The following KCNMA1 variants were observed in gnomAD, a reference collection of about 807,000 sequenced individuals.
KCNMA1 encodes potassium calcium-activated channel subfamily M alpha 1.
Under a neutral mutation model 140.0 loss-of-function variants are expected in KCNMA1, and 29 were observed. That is an observed-to-expected ratio of 0.21 (90% CI 0.15 to 0.28). The LOEUF (loss-of-function observed/expected upper bound fraction) is 0.28. Among genes scored for constraint, KCNMA1 ranks in the 10% least tolerant of loss-of-function variants. The pLI is 1.00. For synonymous variants in KCNMA1, 612 were observed against 611.9 expected, an observed-to-expected ratio of 1.00 and a Z score of 0.00; for missense variants, 880 against 1,602.2, an observed-to-expected ratio of 0.55 and a Z score of 7.70.
intron 1 of KCNMA1, among the ~76,000 whole-genome samples, chr10:77,429,934 G>A (rs1603617599): frequency 6.6e-6 from 1 of 152,100 alleles, no homozygotes; most frequent in African/African-American, 2.4e-5. Flanking sequence ...AGAAGCTGAA[G>A]TCCTGATTCC....
intron 1 of KCNMA1, among the ~76,000 whole-genome samples, chr10:77,524,640 G>C (rs1432357855): frequency 6.6e-6 from 1 of 152,186 alleles, no homozygotes; most frequent in Non-Finnish European, 1.5e-5. Flanking sequence ...TTCTAGAGGA[G>C]AAATGAAAAT....
At chr10:77,120,124 C>A (rs2097563849) in intron 6 of KCNMA1, among the ~76,000 whole-genome samples, 1 of 152,134 alleles carries the variant, frequency 6.6e-6, no homozygotes, top group Non-Finnish European at 1.5e-5. Flanking sequence ...TGAAGGGCAA[C>A]CAAAGAGGAA....
intron 5 of KCNMA1, among the ~76,000 whole-genome samples, chr10:77,154,715 T>C (rs1054724785): frequency 4.6e-5 from 7 of 152,220 alleles, no homozygotes; most frequent in African/African-American, 1.7e-4. Flanking sequence ...GTGCCTGGCA[T>C]TGCTCTGTGT....
chr10:76,869,848 A>G (rs1479436088), exon 28 of KCNMA1: 1 of 152,550 alleles, frequency 6.6e-6, no homozygotes, highest in Non-Finnish European at 1.5e-5. Flanking sequence ...TGAATAAGCC[A>G]CGCTCTTTTT....
intron 1 of KCNMA1, among the ~76,000 whole-genome samples, chr10:77,415,505 T>C (rs1490092329): frequency 6.6e-6 from 1 of 152,200 alleles, no homozygotes; most frequent in Non-Finnish European, 1.5e-5. Flanking sequence ...AAGAAAACTG[T>C]GGCAGGGGCC....
Position 76,941,155 on chromosome 10 carries a change from G to GAGGGA in KCNMA1, c.2902+3613_2902+3617dup, listed in dbSNP as rs1554961584. Among the ~76,000 whole-genome samples, 12 of 54,506 alleles carry GAGGGA rather than the reference G, an allele frequency of 2.2e-4. No individual in the cohort carries two copies. In the East Asian group the frequency reaches 3.9e-3, roughly 18 times the overall value. 35.8% of individuals were successfully genotyped at this position (54,506 alleles called of 152,430 possible). On this transcript the variant is annotated intron_variant, in intron 23 of 27. Coordinates refer to ENST00000286628, the MANE Select transcript of KCNMA1 (RefSeq NM_001161352.2). The stretch of plus-strand genomic sequence containing the variant: ...GAAGGGAAGGGAAGGGAAGGGAAGG[G>GAGGGA]AGGGAAGGGAAGGAAGGAAGGAAGG...
intron 1 of KCNMA1, among the ~76,000 whole-genome samples, chr10:77,516,138 T>G (rs1291199021): frequency 6.6e-6 from 1 of 152,124 alleles, no homozygotes; most frequent in Non-Finnish European, 1.5e-5. Context: ...CACAGTCTCT[T>G]GGGTCTGACA....
chr10:76,932,722 C>A (rs1283617270), intron 23 of KCNMA1, among the ~76,000 whole-genome samples: 2 of 152,188 alleles, frequency 1.3e-5, no homozygotes, highest in Non-Finnish European at 2.9e-5. Context: ...CCCTCCATGA[C>A]TGCATCATTA....
chr10:77,129,646 T>A (rs139683836), intron 5 of KCNMA1, among the ~76,000 whole-genome samples: 2 of 152,266 alleles, frequency 1.3e-5, no homozygotes, highest in African/African-American at 4.8e-5. Flanking sequence ...AGGAGAAAGC[T>A]GATTTTTTAG....
chr10:76,881,306 C>T (rs1259457933), downstream of KCNMA1, among the ~76,000 whole-genome samples: 4 of 152,136 alleles, frequency 2.6e-5, no homozygotes, highest in Non-Finnish European at 5.9e-5. Context: ...CATTCCTTTT[C>T]TGTAAAATAG....
At chr10:76,936,916 C>A (rs1331267050) in intron 23 of KCNMA1, among the ~76,000 whole-genome samples, 1 of 152,192 alleles carries the variant, frequency 6.6e-6, no homozygotes, top group African/African-American at 2.4e-5. Flanking sequence ...CTAAAAGACT[C>A]ATGACCCCAA....
chr10:76,940,991 G>GAGAA (rs1293000450), intron 23 of KCNMA1, among the ~76,000 whole-genome samples: 2 of 63,444 alleles, frequency 3.2e-5, no homozygotes, highest in Non-Finnish European at 6.6e-5. Flanking sequence ...GAGAGAAAGA[G>GAGAA]AGAAAGAAAG....
In KCNMA1 at chr10:76,971,974, GGTGT is replaced by G. The variant is rs57558756; in HGVS notation, c.2267-1911_2267-1908del. Among the ~76,000 whole-genome samples, 24 of 148,884 alleles carry G rather than the reference GGTGT, an allele frequency of 1.6e-4. No individual in the cohort carries two copies. In the South Asian group the frequency reaches 2.1e-3, roughly 13 times the overall value. On this transcript the variant is annotated intron_variant, in intron 19 of 27. Transcript: ENST00000286628. ...GGTAGAAAGGCAGCGAGGGTGTGTG[GGTGT>G]GTGTGTGTGTGTGTGTGTGTAGGTA...
intron 1 of KCNMA1, among the ~76,000 whole-genome samples, chr10:77,405,431 A>C (rs2096439739): frequency 6.6e-6 from 1 of 152,230 alleles, no homozygotes; most frequent in African/African-American, 2.4e-5. Flanking sequence ...GAATGACTAG[A>C]AAGGGCTATG....
intron 1 of KCNMA1, among the ~76,000 whole-genome samples, chr10:77,551,864 T>C (rs992587097): frequency 6.6e-6 from 1 of 152,138 alleles, no homozygotes; most frequent in Non-Finnish European, 1.5e-5. Flanking sequence ...GGACCACTCT[T>C]GGAAGCAGAT....
At chr10:77,443,474 G>A (rs2097454545) in intron 1 of KCNMA1, among the ~76,000 whole-genome samples, 1 of 152,076 alleles carries the variant, frequency 6.6e-6, no homozygotes, top group African/African-American at 2.4e-5. Flanking sequence ...GTGAGACGCT[G>A]CCAGTTGGAG....
intron 19 of KCNMA1, chr10:76,977,709 T>C: frequency 1.4e-6 from 1 of 699,206 alleles, no homozygotes; most frequent in Non-Finnish European, 2.6e-6. Context: ...CTGGGGACAT[T>C]GGGAGGAACA....
intron 2 of KCNMA1, among the ~76,000 whole-genome samples, chr10:77,310,103 G>A (rs555281007): frequency 6.6e-6 from 1 of 152,302 alleles, no homozygotes; most frequent in Non-Finnish European, 1.5e-5. Context: ...GGACATGAGT[G>A]GCATAAACAA....
chr10:77,086,629 T>C (rs1156821608), intron 10 of KCNMA1, 36 bp from the exon 11 acceptor site: 2 of 1,483,886 alleles, frequency 1.3e-6, no homozygotes, highest in Non-Finnish European at 9.4e-7. Context: ...ATTAATTTAA[T>C]GGACTCGGGG....
Sources: gnomAD v4.1 joint callset for allele counts (sites outside exome capture counted in the v4.1 genomes callset) on GRCh38, gnomAD v4.1.1 for gene constraint, MANE v1.5 for transcripts, NCBI Gene and HGNC (gene_info 2026-07-23, HGNC 2026-07-21) for gene names.